FAM20B: variants seen among roughly 807,000 people sequenced by gnomAD.
FAM20B encodes glycosaminoglycan xylosylkinase.
A neutral mutation model predicts 43.8 loss-of-function variants in FAM20B; 23 were observed. The ratio of observed to expected loss-of-function variants is 0.53; its 90% CI spans 0.38 to 0.74. The LOEUF is 0.74. Among genes scored for constraint, FAM20B ranks in the 30% least tolerant of loss-of-function variants. The pLI, the probability that FAM20B is intolerant of heterozygous loss-of-function variation, is 0.00. For synonymous variants in FAM20B, 178 were observed against 192.4 expected (o/e 0.93, Z 0.62); for missense variants, 440 against 510.5 (o/e 0.86, Z 1.33).
chr1:179,023,089 T>C (rs1412826356), upstream of FAM20B, among the ~76,000 whole-genome samples: 1 of 152,150 alleles, frequency 6.6e-6, no homozygotes, highest in Non-Finnish European at 1.5e-5. Flanking sequence ...TGGCAGTAAA[T>C]GCCAAGCACA....
intron 1 of FAM20B, among the ~76,000 whole-genome samples, chr1:179,027,330 C>G (rs1368073992): frequency 6.6e-6 from 1 of 152,170 alleles, no homozygotes; most frequent in Non-Finnish European, 1.5e-5. Flanking sequence ...TACAAACATT[C>G]CTTGAGTTTA....
intron 4 of FAM20B, 130 bp downstream of exon 4, chr1:179,054,768 A>G: frequency 2.0e-6 from 1 of 495,952 alleles, no homozygotes; most frequent in Non-Finnish European, 3.6e-6. Flanking sequence ...AAATCAGACA[A>G]CCAGCTCTCA....
In FAM20B at chr1:179,064,455, T is replaced by C; in HGVS notation, c.897T>C (p.Asp299=). The part of the protein sequence containing the change: ...DRHHYESFQD[D]EGASMLILLD... Reference sequence around the variant, plus strand: ...ATCACTATGAGAGCTTTCAAGATGATGAAGGCGCTAGTATGCTCATCCTTC... The same window carrying C: ...ATCACTATGAGAGCTTTCAAGATGACGAAGGCGCTAGTATGCTCATCCTTC... The change falls in exon 6 of 8, where the codon GAT becomes GAC. Residue 299 remains aspartate (D), a synonymous_variant. Transcript: ENST00000263733. The C allele has an allele frequency of 6.2e-7, 1 of 1,614,192 alleles. No individual in the cohort carries two copies. The highest frequency in any genetic ancestry group is 8.5e-7 in the Non-Finnish European group (1 of 1,180,014).
intron 1 of FAM20B, among the ~76,000 whole-genome samples, chr1:179,026,769 A>G (rs185497609): frequency 6.6e-6 from 1 of 152,350 alleles, no homozygotes; most frequent in Non-Finnish European, 1.5e-5. Context: ...CGCGATTAAG[A>G]GCGGACCGAT....
intron 1 of FAM20B, among the ~76,000 whole-genome samples, 152 bp from the exon 2 acceptor site, chr1:179,043,563 C>G (rs1650632351): frequency 6.6e-6 from 1 of 152,204 alleles, no homozygotes; most frequent in African/African-American, 2.4e-5. Flanking sequence ...TTAGGTCCTT[C>G]TCCAGATTAG....
intron 1 of FAM20B, among the ~76,000 whole-genome samples, chr1:179,040,729 G>A (rs1205218525): frequency 6.7e-6 from 1 of 148,960 alleles, no homozygotes; most frequent in Non-Finnish European, 1.5e-5. Context: ...CCTCCCTCCC[G>A]GACGGGGCGG....
At chr1:179,025,200 G>A (rs1030217201), upstream of FAM20B, among the ~76,000 whole-genome samples, 40 of 152,170 alleles carry the variant, frequency 2.6e-4, 1 homozygote, top group Non-Finnish European at 2.2e-4. Context: ...CACTACGGTC[G>A]GGCATTGGCG....
chr1:179,018,687 T>C, the FAM20B span, among the ~76,000 whole-genome samples: 1 of 152,228 alleles, frequency 6.6e-6, no homozygotes, highest in Non-Finnish European at 1.5e-5. Context: ...GTTCATGATA[T>C]ACCATTAAGT....
chr1:179,031,803 C>A (rs1650026848), intron 1 of FAM20B, among the ~76,000 whole-genome samples: 1 of 152,208 alleles, frequency 6.6e-6, no homozygotes, highest in Admixed American at 6.5e-5. Context: ...GAAAAGCTGT[C>A]ATCTTTAAAA....
intron 7 of FAM20B, among the ~76,000 whole-genome samples, chr1:179,067,912 T>C (rs1375512886): frequency 2.0e-5 from 3 of 152,090 alleles, no homozygotes; most frequent in Non-Finnish European, 4.4e-5. Context: ...TACAGGCACC[T>C]GCCACCAAAC....
chr1:179,050,247 G>C, intron 2 of FAM20B, 32 bp from the exon 3 acceptor site: 1 of 1,483,496 alleles, frequency 6.7e-7, no homozygotes, highest in Non-Finnish European at 9.4e-7. Context: ...TGTAATCCAC[G>C]TATACATCTG....
intron 1 of FAM20B, among the ~76,000 whole-genome samples, chr1:179,037,834 T>C (rs1291228052): frequency 6.6e-6 from 1 of 152,136 alleles, no homozygotes; most frequent in Non-Finnish European, 1.5e-5. Context: ...GTGAATTGTT[T>C]ATGGCCCTGA....
At chr1:179,057,401 A>G (rs1041098995) in intron 4 of FAM20B, among the ~76,000 whole-genome samples, 7 of 152,210 alleles carry the variant, frequency 4.6e-5, no homozygotes, top group African/African-American at 7.2e-5. Flanking sequence ...TCTTGATGCA[A>G]TTTTTAAAAT....
chr1:179,037,091 A>G (rs1250941958), intron 1 of FAM20B, among the ~76,000 whole-genome samples: 1 of 152,256 alleles, frequency 6.6e-6, no homozygotes, highest in Non-Finnish European at 1.5e-5. Context: ...TATTTAGGAT[A>G]CAGCTTTAAT....
At chr1:179,032,004 ACACT>A (rs1188296979) in intron 1 of FAM20B, among the ~76,000 whole-genome samples, 1 of 152,156 alleles carries the variant, frequency 6.6e-6, no homozygotes, top group Non-Finnish European at 1.5e-5. Flanking sequence ...GCTTTGCATG[ACACT>A]CACTCTGAAG....
chr1:179,030,822 G>A (rs55895054), intron 1 of FAM20B, among the ~76,000 whole-genome samples: 3,236 of 151,488 alleles, frequency 0.021, 131 homozygotes, highest in African/African-American at 0.076. Flanking sequence ...TACAAAGCGT[G>A]AGTAAAATCT....
At chr1:179,018,729 G>A in the FAM20B span, among the ~76,000 whole-genome samples, 5 of 152,320 alleles carry the variant, frequency 3.3e-5, no homozygotes, top group South Asian at 2.1e-4. Context: ...TCATTCCATA[G>A]CATTAAATCT....
chr1:179,044,732 G>A (rs1650694180), intron 2 of FAM20B, among the ~76,000 whole-genome samples: 1 of 152,086 alleles, frequency 6.6e-6, no homozygotes, highest in African/African-American at 2.4e-5. Context: ...TCCAAGTTTG[G>A]GGCAATTGTG....
At chr1:179,068,211 C>G (rs528750914) in intron 7 of FAM20B, among the ~76,000 whole-genome samples, 2 of 152,274 alleles carry the variant, frequency 1.3e-5, no homozygotes, top group East Asian at 3.9e-4. Context: ...AGCAACTGGT[C>G]TCTTAATCTT....
Sources: gnomAD v4.1 joint callset for allele counts (sites outside exome capture counted in the v4.1 genomes callset) on GRCh38, gnomAD v4.1.1 for gene constraint, MANE v1.5 for transcripts, NCBI Gene and HGNC (gene_info 2026-07-23, HGNC 2026-07-21) for gene names.